The following ATP6V0C variants were observed in gnomAD, a reference collection of about 807,000 sequenced individuals.
ATP6V0C encodes the protein ATPase H+ transporting V0 subunit c, also known as V-type proton ATPase 16 kDa proteolipid subunit c.
Under a neutral mutation model 10.6 loss-of-function variants are expected in ATP6V0C, and 2 were observed. That is an observed-to-expected ratio of 0.19 (90% CI 0.08 to 0.59). ATP6V0C has a LOEUF of 0.59. ATP6V0C is among the 20% of genes least tolerant of loss of function. The pLI is 0.90. For missense variants in ATP6V0C, 89 were observed against 225.9 expected, an observed-to-expected ratio of 0.39 and a Z score of 3.88; for synonymous variants, 128 against 101.3, an observed-to-expected ratio of 1.26 and a Z score of -1.59.
chr16:2,515,886 C>T (rs1338716766), intron 1 of ATP6V0C, among the ~76,000 whole-genome samples: 1 of 152,152 alleles, frequency 6.6e-6, no homozygotes, highest in African/African-American at 2.4e-5. Flanking sequence ...GTCCACCAAG[C>T]CCTTTTTCTG....
rs562564728 is a variant in ATP6V0C at position 2,519,841 on chromosome 16, C to A, written c.*96C>A. On this transcript the variant is annotated 3_prime_UTR_variant, in exon 3 of 3. Transcript: ENST00000330398. ...CTGACACATACGCACGGGGCCGCCGCCCCCAGTAGTTGGTCTTGTACATGC... is the reference window on the plus strand; with the variant it reads ...CTGACACATACGCACGGGGCCGCCGACCCCAGTAGTTGGTCTTGTACATGC... 6.7e-7 allele frequency: 1 copy of A among 1,485,504 alleles called. No homozygotes were observed. Among genetic ancestry groups the A allele is most frequent in the Non-Finnish European group, 9.3e-7 (1 of 1,073,938 alleles). The allele number at this position is 1,485,504 out of a possible 1,614,324, so 92.0% of individuals were successfully genotyped here.
intron 1 of ATP6V0C, among the ~76,000 whole-genome samples, chr16:2,518,509 T>A (rs766437569): frequency 2.6e-5 from 4 of 152,204 alleles, no homozygotes; most frequent in Admixed American, 2.6e-4. Context: ...CCCGTCGTCT[T>A]CTCTGCCCCC....
intron 1 of ATP6V0C, 54 bp downstream of exon 1, chr16:2,514,236 C>A: frequency 6.7e-7 from 1 of 1,482,836 alleles, no homozygotes; most frequent in African/African-American, 1.5e-5. Flanking sequence ...GTTGCTCATG[C>A]CCGCAGCTCG....
At position 2,516,236 on chromosome 16, in the gene ATP6V0C, C is replaced by T. The variant is rs1025393804; in HGVS notation, c.79+2054C>T. 2.2e-4 allele frequency among the ~76,000 whole-genome samples: 34 copies of T among 151,956 alleles called. No individual in the cohort carries two copies. The East Asian group carries it at 6.4e-3, about 28-fold the overall frequency. On this transcript the variant is annotated intron_variant, in intron 1 of 2. Transcript: ENST00000330398. Reference sequence around the variant, plus strand: ...CAAGCAATCCTCCTGCCTCAGCCTCCTGAATAACTAGGACTACAGGCACAG... The same window carrying T: ...CAAGCAATCCTCCTGCCTCAGCCTCTTGAATAACTAGGACTACAGGCACAG...
Position 2,520,185 on chromosome 16 carries a change from G to C in ATP6V0C, c.*440G>C, listed in dbSNP as rs1456174839. 1.2e-5 allele frequency: 6 copies of C among 519,962 alleles called. No homozygotes were observed. Among genetic ancestry groups the C allele is most frequent in the Non-Finnish European group, 1.8e-5 (5 of 282,444 alleles). The allele number at this position is 519,962 out of a possible 1,614,324, so 32.2% of individuals were successfully genotyped here. On this transcript the variant is annotated 3_prime_UTR_variant, in exon 3 of 3. Coordinates refer to ENST00000330398, the MANE Select transcript of ATP6V0C (RefSeq NM_001694.4). ...CTCACCGCCGGGCCCGTGGCCCTGCGCGGAGCTGTGTCCAATAAAGTTCTT... is the reference window on the plus strand; with the variant it reads ...CTCACCGCCGGGCCCGTGGCCCTGCCCGGAGCTGTGTCCAATAAAGTTCTT...
chr16:2,519,255 C>A lies in ATP6V0C; in HGVS notation c.117C>A (p.Thr39=). 4 of 1,613,938 alleles carry A rather than the reference C, an allele frequency of 2.5e-6. No homozygotes were observed. Among genetic ancestry groups the A allele is most frequent in the Non-Finnish European group, 3.4e-6 (4 of 1,179,900 alleles). Residue 39 remains threonine (T), a synonymous_variant, in exon 2 of 3, where the codon ACC becomes ACA. Transcript: ENST00000330398. ...CCTATGGCACAGCCAAGAGCGGTAC[C>A]GGCATTGCGGCCATGTCTGTCATGC... is the stretch of plus-strand genomic sequence containing the variant. ...GAAYGTAKSG[T]GIAAMSVMRP... is the part of the protein sequence containing the mutation.
Sources: gnomAD v4.1 joint callset for allele counts (sites outside exome capture counted in the v4.1 genomes callset) on GRCh38, gnomAD v4.1.1 for gene constraint, MANE v1.5 for transcripts, NCBI Gene and HGNC (gene_info 2026-07-23, HGNC 2026-07-21) for gene names.